The following SENP5 variants were observed in gnomAD, a reference collection of about 807,000 sequenced individuals.
The protein encoded by SENP5 is SUMO specific peptidase 5, also known as sentrin-specific protease 5.
SENP5 carries 21 observed loss-of-function variants against 74.2 expected under a neutral mutation model. That is an observed-to-expected ratio of 0.28 (90% confidence interval 0.20 to 0.41). SENP5 has a LOEUF of 0.41. Among genes scored for constraint, SENP5 ranks in the 10% least tolerant of loss-of-function variants. The pLI is 1.00. For synonymous variants in SENP5, 311 were observed against 312.7 expected (o/e 0.99, Z 0.06); for missense variants, 717 against 889.1 (o/e 0.81, Z 2.46).
In SENP5 at chr3:196,931,721, C is replaced by G. The variant is rs1448588117; in HGVS notation, c.*798C>G. The stretch of plus-strand genomic sequence containing the variant: ...TCTGTTTTCGACCTGTTAAAAAAAT[C>G]TTAACATCCATCAAACTAGTGGTCA... On this transcript the variant is annotated 3_prime_UTR_variant, in exon 10 of 10. Transcript: ENST00000323460. 1 of 272,562 alleles carries G rather than the reference C, an allele frequency of 3.7e-6. No individual in the cohort carries two copies. Among genetic ancestry groups the G allele is most frequent in the Admixed American group, 5.6e-5 (1 of 17,856 alleles). The allele number at this position is 272,562 out of a possible 1,614,324, so 16.9% of individuals were successfully genotyped here. A position where few individuals can be genotyped will look rare whatever the true frequency, so the allele number is the denominator to read the frequency against.
intron 2 of SENP5, among the ~76,000 whole-genome samples, chr3:196,893,983 T>C (rs1714326191): frequency 1.3e-5 from 2 of 152,096 alleles, no homozygotes; most frequent in East Asian, 3.9e-4. Context: ...GAAGGAATTA[T>C]GGGCTCACTG....
intron 1 of SENP5, among the ~76,000 whole-genome samples, chr3:196,881,896 G>GTTTTTTTT (rs11385462): frequency 7.3e-5 from 8 of 109,200 alleles, no homozygotes; most frequent in East Asian, 5.2e-4. Flanking sequence ...GATAGTATTA[G>GTTTTTTTT]TTTTTTTTTT....
At chr3:196,929,804 T>TCCCTC (rs988560843) in intron 9 of SENP5, 121 bp downstream of exon 9, 5 of 704,584 alleles carry the variant, frequency 7.1e-6, no homozygotes, top group African/African-American at 1.8e-5. Flanking sequence ...CGGAGTACTT[T>TCCCTC]CCCTCCCCTT....
intron 6 of SENP5, among the ~76,000 whole-genome samples, chr3:196,917,743 T>G (rs1715441312): frequency 6.6e-6 from 1 of 152,132 alleles, no homozygotes; most frequent in Non-Finnish European, 1.5e-5. Flanking sequence ...AGAAATACTT[T>G]CCCAGACAAA....
chr3:196,929,337 A>T lies in SENP5; in HGVS notation c.2107-296A>T, dbSNP rs533766818. 95 of 293,466 alleles carry T rather than the reference A, an allele frequency of 3.2e-4. 2 individuals carry two copies. The South Asian group carries it at 3.6e-3, about 11-fold the overall frequency. The allele number at this position is 293,466 out of a possible 1,614,324, so 18.2% of individuals were successfully genotyped here. A position where few individuals can be genotyped will look rare whatever the true frequency, so the allele number is the denominator to read the frequency against. ...TCCATTTTGACTCCACTGTCAATGA[A>T]TTGATAGCAGAGCTCAGTATCCAAA... On this transcript the variant is annotated intron_variant, in intron 8 of 9. Transcript: ENST00000323460.
At chr3:196,880,900 CA>C (rs1220926235) in intron 1 of SENP5, among the ~76,000 whole-genome samples, 1 of 151,982 alleles carries the variant, frequency 6.6e-6, no homozygotes, top group African/African-American at 2.4e-5. Flanking sequence ...CTCGGCCTCC[CA>C]AAGTGTTGGG....
chr3:196,881,740 A>T (rs1159221298), intron 1 of SENP5, among the ~76,000 whole-genome samples: 1 of 150,470 alleles, frequency 6.6e-6, no homozygotes, highest in African/African-American at 2.4e-5. Context: ...ATTTTTTTTA[A>T]CTTCCAAGCT....
chr3:196,870,259 C>G (rs753151807), intron 1 of SENP5, among the ~76,000 whole-genome samples: 1 of 152,094 alleles, frequency 6.6e-6, no homozygotes, highest in African/African-American at 2.4e-5. Flanking sequence ...TTTTTCTTAC[C>G]TATTATGGTG....
At chr3:196,925,209 T>G (rs567881709) in intron 7 of SENP5, among the ~76,000 whole-genome samples, 10 of 152,126 alleles carry the variant, frequency 6.6e-5, no homozygotes, top group Non-Finnish European at 1.2e-4. Context: ...TATTATTTGT[T>G]TAATTAACAT....
At chr3:196,912,419 CAG>C (rs762771414) in intron 6 of SENP5, among the ~76,000 whole-genome samples, 121 of 152,062 alleles carry the variant, frequency 8.0e-4, no homozygotes, top group African/African-American at 2.6e-3. Context: ...CGGGGCCTGT[CAG>C]GGGGTTGGGG....
chr3:196,915,170 C>T (rs1715320788), intron 6 of SENP5, among the ~76,000 whole-genome samples: 1 of 152,224 alleles, frequency 6.6e-6, no homozygotes, highest in African/African-American at 2.4e-5. Flanking sequence ...GGCCACAGGA[C>T]TGCATTCTTT....
chr3:196,885,246 A>G lies in SENP5; in HGVS notation c.65A>G (p.Asn22Ser). Reference protein sequence around the residue: ...GIHLAFSEKWNTGFGGFKKFY... With the variant: ...GIHLAFSEKWSTGFGGFKKFY... ...CACTTAGCCTTTTCTGAGAAATGGAATACTGGGTTTGGAGGCTTTAAGAAG... is the reference window on the plus strand; with the variant it reads ...CACTTAGCCTTTTCTGAGAAATGGAGTACTGGGTTTGGAGGCTTTAAGAAG... Residue 22 changes from asparagine (N) to serine (S), a missense_variant, in exon 2 of 10, where the codon AAT (asparagine) becomes AGT (serine). Physicochemically the swap from Asn to Ser is conservative, Grantham distance 46. Transcript: ENST00000323460. 6.2e-7 allele frequency: 1 copy of G among 1,614,112 alleles called. No homozygotes were observed. The highest frequency in any genetic ancestry group is 8.5e-7 in the Non-Finnish European group (1 of 1,180,012).
chr3:196,874,294 C>T (rs1356333505), intron 1 of SENP5, among the ~76,000 whole-genome samples: 8 of 145,024 alleles, frequency 5.5e-5, no homozygotes. Context: ...AGAATCTCCA[C>T]TAAAAAAATG....
chr3:196,893,371 GCA>G (rs1714296143), intron 2 of SENP5, among the ~76,000 whole-genome samples: 1 of 152,136 alleles, frequency 6.6e-6, no homozygotes, highest in South Asian at 2.1e-4. Flanking sequence ...TGTGTGTATA[GCA>G]AAAGTTAGAT....
At chr3:196,923,642 T>C (rs1012000796) in intron 7 of SENP5, 91 bp downstream of exon 7, 2 of 828,386 alleles carry the variant, frequency 2.4e-6, no homozygotes, top group African/African-American at 3.5e-5. Context: ...GTCAAAACCA[T>C]ATAGGAACAG....
At chr3:196,911,576 C>CA (rs1313567896) in intron 6 of SENP5, among the ~76,000 whole-genome samples, 1 of 147,206 alleles carries the variant, frequency 6.8e-6, no homozygotes, top group African/African-American at 2.5e-5. Context: ...AAAAAAAGGA[C>CA]ATTTATGTAG....
At chr3:196,870,050 C>T (rs939457033) in intron 1 of SENP5, among the ~76,000 whole-genome samples, 6 of 152,116 alleles carry the variant, frequency 3.9e-5, no homozygotes, top group Non-Finnish European at 5.9e-5. Context: ...AGTTTGAGAA[C>T]GGGGTTCTGT....
chr3:196,889,869 G>T lies in SENP5; in HGVS notation c.1513+3175G>T, dbSNP rs185023278. On this transcript the variant is annotated intron_variant, in intron 2 of 9. Transcript: ENST00000323460. ...CATATTTCTGGAGATGGTGGAAGTG[G>T]AGAGGAAAGGGGACACCCATGGTAA... is the stretch of plus-strand genomic sequence containing the variant. Among the ~76,000 whole-genome samples the T allele has an allele frequency of 3.3e-5, 5 of 152,280 alleles. No homozygotes were observed. In the East Asian group the frequency reaches 5.8e-4, roughly 18 times the overall value.
intron 6 of SENP5, chr3:196,904,918 CATTT>C (rs1714843456): frequency 6.6e-6 from 1 of 152,058 alleles, no homozygotes. Context: ...ATTCATTCAT[CATTT>C]ATTTATTGAT....
Sources: gnomAD v4.1 joint callset for allele counts (sites outside exome capture counted in the v4.1 genomes callset) on GRCh38, gnomAD v4.1.1 for gene constraint, MANE v1.5 for transcripts, NCBI Gene and HGNC (gene_info 2026-07-23, HGNC 2026-07-21) for gene names.